LRMDA: variants seen among roughly 807,000 people sequenced by gnomAD.
The protein encoded by LRMDA is leucine-rich melanocyte differentiation-associated protein.
LRMDA carries 18 observed loss-of-function variants against 29.8 expected under a neutral mutation model. The ratio of observed to expected loss-of-function variants is 0.60; its 90% CI spans 0.42 to 0.90. LRMDA has a LOEUF of 0.90. Ranked by LOEUF, LRMDA falls within the 40% of genes least tolerant of loss-of-function variation. The pLI, the probability that LRMDA is intolerant of heterozygous loss-of-function variation, is 0.00. For missense variants in LRMDA, 273 were observed against 273.9 expected, an observed-to-expected ratio of 1.00 and a Z score of 0.02; for synonymous variants, 125 against 109.4, an observed-to-expected ratio of 1.14 and a Z score of -0.89.
intron 2 of LRMDA, among the ~76,000 whole-genome samples, chr10:75,490,330 TACACATACAC>T (rs1323405757): frequency 3.9e-5 from 3 of 77,498 alleles, no homozygotes; most frequent in Admixed American, 3.4e-4. Context: ...ATATGACATG[TACACATACAC>T]ACACACACAC....
intron 2 of LRMDA, among the ~76,000 whole-genome samples, chr10:75,446,444 C>T (rs1055943055): frequency 1.3e-5 from 2 of 152,218 alleles, no homozygotes; most frequent in African/African-American, 2.4e-5. Context: ...GGGCTCCTCA[C>T]AGATAGTCAG....
intron 2 of LRMDA, among the ~76,000 whole-genome samples, chr10:75,586,834 A>C (rs542770891): frequency 2.6e-3 from 385 of 149,692 alleles, no homozygotes; most frequent in South Asian, 5.9e-3. Flanking sequence ...TTTTTTTTTA[A>C]CTATTCAGTT....
At chr10:76,311,796 C>T (rs2758975) in intron 5 of LRMDA, among the ~76,000 whole-genome samples, 137,384 of 152,186 alleles carry the variant, frequency 0.9, 62,660 homozygotes, top group Non-Finnish European at 0.96. Flanking sequence ...GTCTCAAGTT[C>T]ATTAATATAA....
At chr10:76,188,935 T>C (rs1034987300) in intron 5 of LRMDA, among the ~76,000 whole-genome samples, 1 of 141,636 alleles carries the variant, frequency 7.1e-6, no homozygotes, top group African/African-American at 2.5e-5. Flanking sequence ...TGATTGCATG[T>C]ACACACACAC....
intron 2 of LRMDA, among the ~76,000 whole-genome samples, chr10:75,878,595 AGGATTGGGGGCAT>A (rs748780100): frequency 1.3e-5 from 2 of 152,122 alleles, no homozygotes; most frequent in African/African-American, 2.4e-5. Flanking sequence ...TTATGAGCAC[AGGATTGGGGGCAT>A]GGTGGGCCAG....
At chr10:75,922,627 A>G (rs556922436) in intron 2 of LRMDA, among the ~76,000 whole-genome samples, 2 of 152,152 alleles carry the variant, frequency 1.3e-5, no homozygotes, top group East Asian at 3.9e-4. Context: ...CACATATTAC[A>G]CTGCCCTCTA....
intron 2 of LRMDA, among the ~76,000 whole-genome samples, chr10:75,720,512 G>C (rs886486198): frequency 4.6e-5 from 7 of 152,198 alleles, no homozygotes; most frequent in African/African-American, 1.7e-4. Context: ...CATTCTGTGA[G>C]TGGAAATGCC....
At chr10:75,480,999 G>A (rs1844850219) in intron 2 of LRMDA, among the ~76,000 whole-genome samples, 1 of 152,132 alleles carries the variant, frequency 6.6e-6, no homozygotes, top group Non-Finnish European at 1.5e-5. Context: ...GGGGAAGCTG[G>A]GGAGGAACAG....
At chr10:76,181,081 C>T (rs565854144) in intron 5 of LRMDA, among the ~76,000 whole-genome samples, 1 of 152,308 alleles carries the variant, frequency 6.6e-6, no homozygotes, top group South Asian at 2.1e-4. Flanking sequence ...TACTGTCATG[C>T]TCCCTTCTAG....
chr10:76,397,050 C>T (rs910509036), intron 6 of LRMDA, among the ~76,000 whole-genome samples: 76 of 152,246 alleles, frequency 5.0e-4, no homozygotes, highest in African/African-American at 1.5e-3. Flanking sequence ...CTTAGAGACA[C>T]GTCCCCTCCC....
intron 5 of LRMDA, among the ~76,000 whole-genome samples, chr10:76,200,057 G>A (rs1258356006): frequency 7.2e-5 from 11 of 152,120 alleles, no homozygotes; most frequent in Non-Finnish European, 2.9e-5. Context: ...GACCTCCCAG[G>A]CTCAAGTGAT....
intron 2 of LRMDA, among the ~76,000 whole-genome samples, chr10:75,735,486 C>T (rs2132203756): frequency 6.6e-6 from 1 of 152,278 alleles, no homozygotes; most frequent in South Asian, 2.1e-4. Context: ...ACAAAAACAT[C>T]ACATTCAGCC....
At chr10:75,908,669 T>A (rs2132373968) in intron 2 of LRMDA, among the ~76,000 whole-genome samples, 1 of 152,304 alleles carries the variant, frequency 6.6e-6, no homozygotes, top group South Asian at 2.1e-4. Flanking sequence ...ATCCTCTTCT[T>A]CCACAGTGGA....
At chr10:76,158,930 TTAGA>T (rs1308358180) in intron 5 of LRMDA, among the ~76,000 whole-genome samples, 1 of 152,114 alleles carries the variant, frequency 6.6e-6, no homozygotes, top group African/African-American at 2.4e-5. Flanking sequence ...TAATAGGAAA[TTAGA>T]TAGATAAAAT....
At chr10:76,544,099 G>A (rs1190297275) in intron 6 of LRMDA, among the ~76,000 whole-genome samples, 1 of 152,154 alleles carries the variant, frequency 6.6e-6, no homozygotes, top group Admixed American at 6.5e-5. Context: ...CTCAATTACC[G>A]TAATGGCTTA....
intron 5 of LRMDA, among the ~76,000 whole-genome samples, chr10:76,119,213 C>T (rs1332146789): frequency 6.6e-6 from 1 of 151,812 alleles, no homozygotes; most frequent in Admixed American, 6.6e-5. Flanking sequence ...CTCTGTATCT[C>T]TCGGTGGTAC....
At chr10:76,187,561 G>A (rs565621649) in intron 5 of LRMDA, among the ~76,000 whole-genome samples, 47 of 152,224 alleles carry the variant, frequency 3.1e-4, no homozygotes, top group Admixed American at 8.5e-4. Flanking sequence ...AGTAAAATGG[G>A]GATTATCCCC....
At chr10:75,985,391 G>A (rs2132453756) in intron 2 of LRMDA, among the ~76,000 whole-genome samples, 1 of 152,276 alleles carries the variant, frequency 6.6e-6, no homozygotes, top group South Asian at 2.1e-4. Flanking sequence ...CCTGACTAGA[G>A]CCACAGGCTC....
intron 2 of LRMDA, among the ~76,000 whole-genome samples, chr10:75,878,573 G>C (rs1163784002): frequency 6.6e-6 from 1 of 151,984 alleles, no homozygotes. Context: ...TGCCTGCTAG[G>C]GTCTTGGGTT....
Sources: gnomAD v4.1 joint callset for allele counts (sites outside exome capture counted in the v4.1 genomes callset) on GRCh38, gnomAD v4.1.1 for gene constraint, MANE v1.5 for transcripts, NCBI Gene and HGNC (gene_info 2026-07-23, HGNC 2026-07-21) for gene names.